Variants in KIRREL3 observed in about 807,000 individuals in gnomAD.
KIRREL3 encodes kin of IRRE-like protein 3.
A neutral mutation model predicts 89.7 loss-of-function variants in KIRREL3; 36 were observed. The observed-to-expected ratio is 0.40, with a 90% CI of 0.31 to 0.53. KIRREL3 has a LOEUF of 0.53. KIRREL3 is among the 20% of genes least tolerant of loss of function. The probability of loss-of-function intolerance (pLI) is 0.49; values close to 1 mark genes in which losing one functional copy is unlikely to be tolerated. For missense variants in KIRREL3, 864 were observed against 1,056.6 expected, an observed-to-expected ratio of 0.82 and a Z score of 2.53; for synonymous variants, 445 against 441.4, an observed-to-expected ratio of 1.01 and a Z score of -0.10.
chr11:126,450,384 TGA>T (rs1445114045), intron 7 of KIRREL3, among the ~76,000 whole-genome samples: 4 of 148,920 alleles, frequency 2.7e-5, no homozygotes, highest in East Asian at 2.2e-4. Context: ...TGTGCATGTG[TGA>T]GTGTGGGTAT....
chr11:126,857,665 A>C lies in KIRREL3; in HGVS notation c.55+142790T>G, dbSNP rs76074937. Among the ~76,000 whole-genome samples the C allele has an allele frequency of 7.2e-3, 1,090 of 152,032 alleles. 4 individuals carry two copies. The highest frequency in any genetic ancestry group is 0.013 in the Non-Finnish European group (856 of 67,972). ...GTCTTAAAGCAGAAGCAGCATTTCC[A>C]GGACTTGAACTTAGGTCTTCCAGAC... is the stretch of plus-strand genomic sequence containing the variant. On this transcript the variant is annotated intron_variant, in intron 1 of 16. Coordinates refer to ENST00000525144, the MANE Select transcript of KIRREL3 (RefSeq NM_032531.4).
intron 1 of KIRREL3, among the ~76,000 whole-genome samples, chr11:126,813,916 G>A (rs1037808138): frequency 6.6e-6 from 1 of 152,122 alleles, no homozygotes; most frequent in African/African-American, 2.4e-5. Context: ...GACAAATGGG[G>A]TCTAATTAAA....
Position 126,486,709 on chromosome 11 carries a change from T to A in KIRREL3, c.434-13243A>T, listed in dbSNP as rs1358192863. On this transcript the variant is annotated intron_variant, in intron 4 of 16. Coordinates refer to ENST00000525144, the MANE Select transcript of KIRREL3 (RefSeq NM_032531.4). This position sits in a 1 kb window ranked among gnomAD's most constrained non-coding sequence, Gnocchi z 6.2. ...CTGAGGCATAGGCTGGCCAAAACAT[T>A]TGGGGCAAGTCACGCAACTGGCAAG... Among the ~76,000 whole-genome samples, 1 of 152,138 alleles carries A rather than the reference T, an allele frequency of 6.6e-6. No homozygotes were observed. Among genetic ancestry groups the A allele is most frequent in the Non-Finnish European group, 1.5e-5 (1 of 68,022 alleles).
rs1333916975 is a variant in KIRREL3 at position 126,891,735 on chromosome 11, G to C, written c.55+108720C>G. On this transcript the variant is annotated intron_variant, in intron 1 of 16. Transcript: ENST00000525144. This position sits in a 1 kb window ranked among gnomAD's most constrained non-coding sequence, Gnocchi z 5.1. ...CTGACTCAAAGGAAGTTGGCTGGCAGGTTCTGCGATCCCTGGAGATGGGCA... is the reference window on the plus strand; with the variant it reads ...CTGACTCAAAGGAAGTTGGCTGGCACGTTCTGCGATCCCTGGAGATGGGCA... 6.6e-6 allele frequency among the ~76,000 whole-genome samples: 1 copy of C among 152,206 alleles called. No homozygotes were observed. Among genetic ancestry groups the C allele is most frequent in the Non-Finnish European group, 1.5e-5 (1 of 68,030 alleles).
At position 126,801,935 on chromosome 11, in the gene KIRREL3, TA is replaced by T. The variant is rs35751571; in HGVS notation, c.55+198519del. ...GGCTACAGAGTGAGACGCTGTCTCT[TA>T]AAAAAAAATTGAATCAGTATCCTAA... On this transcript the variant is annotated intron_variant, in intron 1 of 16. Coordinates refer to ENST00000525144, the MANE Select transcript of KIRREL3 (RefSeq NM_032531.4). Among the ~76,000 whole-genome samples, 131 of 151,278 alleles carry T rather than the reference TA, an allele frequency of 8.7e-4. 1 individual carries two copies. Among genetic ancestry groups the T allele is most frequent in the African/African-American group, 2.8e-3 (115 of 41,246 alleles).
intron 6 of KIRREL3, among the ~76,000 whole-genome samples, chr11:126,457,765 G>A (rs962039137): frequency 1.3e-5 from 2 of 152,158 alleles, no homozygotes; most frequent in South Asian, 2.1e-4. Context: ...ACGGAGACCC[G>A]GCACATAGGG....
chr11:126,662,906 CTTTTTTTTTTT>C (rs756193928), intron 1 of KIRREL3, among the ~76,000 whole-genome samples: 4 of 91,878 alleles, frequency 4.4e-5, no homozygotes, highest in East Asian at 3.2e-4. Context: ...AAAGTCCTTT[CTTTTTTTTTTT>C]TTTTTTTTTT....
In KIRREL3 at chr11:126,978,174, A is replaced by C. The variant is rs539393253; in HGVS notation, c.55+22281T>G. ...AAATTTATGATGATGCAGGGCATGC[A>C]GGTAATCAATTATGCGATTCTTTCA... On this transcript the variant is annotated intron_variant, in intron 1 of 16. Coordinates refer to ENST00000525144, the MANE Select transcript of KIRREL3 (RefSeq NM_032531.4). This position sits in a 1 kb window ranked among gnomAD's most constrained non-coding sequence, Gnocchi z 4.2. Among the ~76,000 whole-genome samples, 1 of 152,330 alleles carries C rather than the reference A, an allele frequency of 6.6e-6. No homozygotes were observed. Among genetic ancestry groups the C allele is most frequent in the Admixed American group, 6.5e-5 (1 of 15,298 alleles).
At chr11:126,745,255 A>G (rs1221695311) in intron 1 of KIRREL3, among the ~76,000 whole-genome samples, 1 of 152,196 alleles carries the variant, frequency 6.6e-6, no homozygotes, top group Non-Finnish European at 1.5e-5. Flanking sequence ...CCACTCTGAA[A>G]TTGCAGGCTT....
Position 126,429,179 on chromosome 11 carries a change from C to T in KIRREL3, c.1806G>A (p.Met602Ile). Residue 602 changes from methionine to isoleucine, a missense_variant and splice_region_variant, in exon 15 of 17, where the codon ATG (methionine) becomes ATA (isoleucine). Met to Ile is a conservative substitution (Grantham distance 10). Transcript: ENST00000525144. The surrounding 1 kb of genome is among the most constrained non-coding windows in gnomAD (Gnocchi z 5.2). ...GGATGGGGCGTAATTGCATTCTTACCATCAGCTGCTTGATGGTGGAGTGCT... is the reference window on the plus strand; with the variant it reads ...GGATGGGGCGTAATTGCATTCTTACTATCAGCTGCTTGATGGTGGAGTGCT... ...GEEHSTIKQL[M>I]MDRGEFQQDS... is the part of the protein sequence containing the mutation. 5 of 1,601,728 alleles carry T rather than the reference C, an allele frequency of 3.1e-6. No homozygotes were observed. Among genetic ancestry groups the T allele is most frequent in the Non-Finnish European group, 3.4e-6 (4 of 1,168,968 alleles).
rs1044447145 is a variant in KIRREL3, at chr11:126,424,226, G to A, written c.*354C>T. ...AGAGCCCACAGAGAGACCAGAGAGT[G>A]GACCGCAGTTTCATGAAAGCAGAGT... On this transcript the variant is annotated 3_prime_UTR_variant, in exon 17 of 17. Transcript: ENST00000525144. 2 of 336,918 alleles carry A rather than the reference G, an allele frequency of 5.9e-6. No individual in the cohort carries two copies. The highest frequency in any genetic ancestry group is 8.3e-5 in the Admixed American group (2 of 24,170). 20.9% of individuals were successfully genotyped at this position (336,918 alleles called of 1,614,324 possible).
rs1025084743 is a variant in KIRREL3 at position 126,569,999 on chromosome 11, A to C, written c.56-7087T>G. On this transcript the variant is annotated intron_variant, in intron 1 of 16. Transcript: ENST00000525144. This position sits in a 1 kb window ranked among gnomAD's most constrained non-coding sequence, Gnocchi z 6.5. ...ATTACTCATATCCCAGGCAATAATA[A>C]TGCCCATACATCATGCAAAGATCAT... is the stretch of plus-strand genomic sequence containing the variant. 6.6e-6 allele frequency among the ~76,000 whole-genome samples: 1 copy of C among 152,178 alleles called. No individual in the cohort carries two copies. The highest frequency in any genetic ancestry group is 1.5e-5 in the Non-Finnish European group (1 of 68,030).
Position 126,893,537 on chromosome 11 carries a change from G to A in KIRREL3, c.55+106918C>T, listed in dbSNP as rs553407949. Among the ~76,000 whole-genome samples the A allele has an allele frequency of 2.6e-5, 4 of 152,326 alleles. No homozygotes were observed. In the South Asian group the frequency reaches 6.2e-4, roughly 24 times the overall value. On this transcript the variant is annotated intron_variant, in intron 1 of 16. Transcript: ENST00000525144. ...TTGTTGCCGAGCTCATGACCTAAACGGAAACATTGAACCGGCCACCTGAAG... is the reference window on the plus strand; with the variant it reads ...TTGTTGCCGAGCTCATGACCTAAACAGAAACATTGAACCGGCCACCTGAAG...
At chr11:126,852,117 G>A (rs1428288663) in intron 1 of KIRREL3, among the ~76,000 whole-genome samples, 2 of 145,426 alleles carry the variant, frequency 1.4e-5, no homozygotes, top group African/African-American at 2.6e-5. Context: ...GCAGTGGTGC[G>A]ATCTCGGCTC....
rs1386094975 is a variant in KIRREL3 at position 126,848,998 on chromosome 11, A to T, written c.55+151457T>A. 2.0e-5 allele frequency among the ~76,000 whole-genome samples: 3 copies of T among 152,120 alleles called. No individual in the cohort carries two copies. In the East Asian group the frequency reaches 5.8e-4, roughly 29 times the overall value. On this transcript the variant is annotated intron_variant, in intron 1 of 16. Coordinates refer to ENST00000525144, the MANE Select transcript of KIRREL3 (RefSeq NM_032531.4). ...TGTCAGAGGTGTTTAAAACAGAGCCACTCCATCTTGAATAGGGGCTGGATA... is the reference window on the plus strand; with the variant it reads ...TGTCAGAGGTGTTTAAAACAGAGCCTCTCCATCTTGAATAGGGGCTGGATA...
At chr11:126,815,726 G>A (rs1057204934) in intron 1 of KIRREL3, among the ~76,000 whole-genome samples, 1 of 152,008 alleles carries the variant, frequency 6.6e-6, no homozygotes. Flanking sequence ...TAGTAGAGAC[G>A]GGGTTTCACT....
chr11:126,595,717 C>T (rs932809852), intron 1 of KIRREL3, among the ~76,000 whole-genome samples: 2 of 152,142 alleles, frequency 1.3e-5, no homozygotes, highest in East Asian at 1.9e-4. Flanking sequence ...GGCCAGAAGG[C>T]ACCTGCAGCC....
At chr11:126,762,391 G>T (rs1010768600) in intron 1 of KIRREL3, among the ~76,000 whole-genome samples, 3 of 152,096 alleles carry the variant, frequency 2.0e-5, no homozygotes, top group Admixed American at 6.6e-5. Context: ...ATTCCTAGCT[G>T]TTCTTTAAAA....
At position 126,976,361 on chromosome 11, in the gene KIRREL3, G is replaced by A. The variant is rs1007286652; in HGVS notation, c.55+24094C>T. On this transcript the variant is annotated intron_variant, in intron 1 of 16. Transcript: ENST00000525144. This position sits in a 1 kb window ranked among gnomAD's most constrained non-coding sequence, Gnocchi z 4.2. ...TAGCAAGCCAAAGGTTGCTTCCAGG[G>A]ACCACAGATTATTTTCTGAGTGTTT... is the stretch of plus-strand genomic sequence containing the variant. Among the ~76,000 whole-genome samples the A allele has an allele frequency of 1.3e-5, 2 of 152,072 alleles. No homozygotes were observed. Among genetic ancestry groups the A allele is most frequent in the Non-Finnish European group, 2.9e-5 (2 of 68,014 alleles).
Sources: allele counts gnomAD v4.1 joint callset (sites outside exome capture counted in the v4.1 genomes callset), GRCh38; gene constraint gnomAD v4.1.1; non-coding constraint Gnocchi (gnomAD v3.1); transcripts MANE v1.5; gene names NCBI Gene and HGNC (gene_info 2026-07-23, HGNC 2026-07-21).